The following HS6ST2 variants were observed in gnomAD, a reference collection of about 807,000 sequenced individuals.
HS6ST2 encodes heparan sulfate 6-O-sulfotransferase 2, also known as heparan-sulfate 6-O-sulfotransferase 2.
In HS6ST2, 17 loss-of-function variants were observed where a neutral mutation model predicts 33.0. That is an observed-to-expected ratio of 0.52 (90% CI 0.35 to 0.77). HS6ST2 has a LOEUF of 0.77. Among genes scored for constraint, HS6ST2 ranks in the 30% least tolerant of loss-of-function variants. The pLI, the probability that HS6ST2 is intolerant of heterozygous loss-of-function variation, is 0.01. For missense variants in HS6ST2, 519 were observed against 551.7 expected, an observed-to-expected ratio of 0.94 and a Z score of 0.59; for synonymous variants, 248 against 237.1, an observed-to-expected ratio of 1.05 and a Z score of -0.42.
chrX:132,882,968 G>A (rs1053830911), intron 2 of HS6ST2, among the ~76,000 whole-genome samples: 121 of 111,588 alleles, frequency 1.1e-3, no homozygotes, highest in African/African-American at 3.8e-3. Flanking sequence ...GCATACCAGG[G>A]ATGAAGCCCA....
At chrX:132,633,570 C>T (rs1275685338) in intron 4 of HS6ST2, among the ~76,000 whole-genome samples, 1 of 110,652 alleles carries the variant, frequency 9.0e-6, no homozygotes, top group Non-Finnish European at 1.9e-5. Flanking sequence ...ACTGAGGTGC[C>T]TGCGGGACAT....
chrX:132,764,463 G>A (rs1048263289), intron 2 of HS6ST2, among the ~76,000 whole-genome samples: 2 of 112,037 alleles, frequency 1.8e-5, no homozygotes, highest in African/African-American at 6.5e-5. Context: ...AGTATTGGCA[G>A]TCTGGGAGTT....
intron 2 of HS6ST2, among the ~76,000 whole-genome samples, chrX:132,750,347 GAAA>G (rs1156312851): frequency 7.1e-5 from 4 of 56,409 alleles, no homozygotes; most frequent in Non-Finnish European, 6.6e-5. Flanking sequence ...TGCCCATCAA[GAAA>G]AAAAAAAAAA....
At chrX:132,679,777 A>AC (rs1193865980) in intron 3 of HS6ST2, among the ~76,000 whole-genome samples, 1 of 107,118 alleles carries the variant, frequency 9.3e-6, no homozygotes, top group African/African-American at 3.4e-5. Flanking sequence ...TCAGAGACCC[A>AC]CCCCCAGGCG....
chrX:132,640,627 T>C (rs2063595792), intron 4 of HS6ST2, among the ~76,000 whole-genome samples: 1 of 111,649 alleles, frequency 9.0e-6, no homozygotes, highest in Non-Finnish European at 1.9e-5. Flanking sequence ...TACTGAGCTC[T>C]TGAAATGTGG....
intron 2 of HS6ST2, 78 bp downstream of exon 2, chrX:132,956,730 C>G (rs2067076730): frequency 9.3e-7 from 1 of 1,071,648 alleles, no homozygotes; most frequent in East Asian, 3.4e-5. Context: ...CGCTAGGTCC[C>G]CGGCTTGGGC....
At chrX:132,828,076 C>T (rs946751008) in intron 2 of HS6ST2, among the ~76,000 whole-genome samples, 2 of 111,632 alleles carry the variant, frequency 1.8e-5, no homozygotes, top group African/African-American at 6.5e-5. Context: ...CACTTTTAAT[C>T]TACTTCCTAG....
intron 2 of HS6ST2, among the ~76,000 whole-genome samples, chrX:132,776,284 T>C (rs1269836606): frequency 8.9e-6 from 1 of 112,174 alleles, no homozygotes; most frequent in Non-Finnish European, 1.9e-5. Flanking sequence ...AATATGGATT[T>C]TAGTCCCAGG....
At chrX:132,870,610 A>G (rs1488056323) in intron 2 of HS6ST2, among the ~76,000 whole-genome samples, 1 of 111,353 alleles carries the variant, frequency 9.0e-6, no homozygotes, top group Non-Finnish European at 1.9e-5. Context: ...CAGAAATAAT[A>G]CCACACATCT....
At chrX:132,649,097 T>C (rs934447741) in intron 4 of HS6ST2, among the ~76,000 whole-genome samples, 3 of 112,218 alleles carry the variant, frequency 2.7e-5, no homozygotes, top group African/African-American at 9.7e-5. Context: ...CTCCATAATG[T>C]ATCACTGTGG....
intron 2 of HS6ST2, among the ~76,000 whole-genome samples, chrX:132,941,701 A>C (rs1420162074): frequency 8.9e-6 from 1 of 112,250 alleles, no homozygotes; most frequent in Non-Finnish European, 1.9e-5. Flanking sequence ...ATAAACATAT[A>C]AACGAGAGGG....
intron 2 of HS6ST2, among the ~76,000 whole-genome samples, chrX:132,820,114 C>T (rs1351542109): frequency 9.0e-6 from 1 of 111,322 alleles, no homozygotes; most frequent in African/African-American, 3.3e-5. Flanking sequence ...TTAGAAGGCA[C>T]TATGCAAACT....
chrX:132,853,845 A>G (rs2065827538), intron 2 of HS6ST2, among the ~76,000 whole-genome samples: 1 of 110,906 alleles, frequency 9.0e-6, no homozygotes, highest in Non-Finnish European at 1.9e-5. Flanking sequence ...CAACATGACA[A>G]AACCCTGATT....
rs1352454503 is a variant in HS6ST2 at position 132,708,498 on chromosome X, T to C, written c.948-4A>G. On this transcript the variant is annotated splice_polypyrimidine_tract_variant and splice_region_variant and intron_variant, in intron 2 of 4. Transcript: ENST00000370833. ...TAGAATCTGAAAAATCCTCCACCTG[T>C]TAAAGGAACAGTAAAACCAGTCGCT... The C allele has an allele frequency of 8.5e-7, 1 of 1,182,031 alleles. No individual in the cohort carries two copies. The highest frequency in any genetic ancestry group is 2.3e-5 in the Admixed American group (1 of 42,876).
At chrX:132,893,681 G>A (rs140392009) in intron 2 of HS6ST2, among the ~76,000 whole-genome samples, 154 of 111,677 alleles carry the variant, frequency 1.4e-3, no homozygotes, top group Non-Finnish European at 2.4e-3. Context: ...CAGTGGGGGA[G>A]GATGAGGGTG....
chrX:132,661,386 A>G (rs764915667), intron 4 of HS6ST2, among the ~76,000 whole-genome samples: 2 of 111,323 alleles, frequency 1.8e-5, no homozygotes, highest in Non-Finnish European at 3.8e-5. Flanking sequence ...AAAATCAATT[A>G]TACTTCTGTT....
chrX:132,852,403 T>G (rs1170469264), intron 2 of HS6ST2, among the ~76,000 whole-genome samples: 1 of 111,956 alleles, frequency 8.9e-6, no homozygotes, highest in East Asian at 2.8e-4. Context: ...ACCTTATATG[T>G]CCCTCTTCCT....
chrX:132,864,869 G>T (rs760666425), intron 2 of HS6ST2, among the ~76,000 whole-genome samples: 1 of 111,479 alleles, frequency 9.0e-6, no homozygotes, highest in African/African-American at 3.3e-5. Flanking sequence ...GAAAGGTCGC[G>T]TTACCCATCA....
rs763526386 is a variant in HS6ST2, at chrX:132,647,787, G to A, written c.1068-18694C>T. Among the ~76,000 whole-genome samples, 155 of 112,318 alleles carry A rather than the reference G, an allele frequency of 1.4e-3. 1 individual carries two copies. The highest frequency in any genetic ancestry group is 4.8e-3 in the African/African-American group (148 of 30,955). On this transcript the variant is annotated intron_variant, in intron 4 of 4. Transcript: ENST00000370833. ...AAGAAAGCCTTCCTACCATGGGCAT[G>A]GGGCACTTGTGAGATAATCCAGGCA... is the stretch of plus-strand genomic sequence containing the variant.
Sources: allele counts gnomAD v4.1 joint callset (sites outside exome capture counted in the v4.1 genomes callset), GRCh38; gene constraint gnomAD v4.1.1; transcripts MANE v1.5; gene names NCBI Gene and HGNC (gene_info 2026-07-23, HGNC 2026-07-21).